The following CAMK2D variants were observed in gnomAD, a reference collection of about 807,000 sequenced individuals.
CAMK2D encodes the protein calcium/calmodulin dependent protein kinase II delta, also known as calcium/calmodulin-dependent protein kinase type II subunit delta.
CAMK2D carries 37 observed loss-of-function variants against 84.0 expected under a neutral mutation model. That is an observed-to-expected ratio of 0.44 (90% confidence interval 0.34 to 0.58). The LOEUF (loss-of-function observed/expected upper bound fraction) is 0.58, where lower values mean the gene tolerates loss of function less well. CAMK2D is among the 20% of genes least tolerant of loss of function. The pLI is 0.02. For synonymous variants in CAMK2D, 202 were observed against 212.5 expected, an observed-to-expected ratio of 0.95 and a Z score of 0.43; for missense variants, 448 against 652.5, an observed-to-expected ratio of 0.69 and a Z score of 3.41.
intron 2 of CAMK2D, among the ~76,000 whole-genome samples, chr4:113,713,501 C>T (rs1477632938): frequency 6.8e-6 from 1 of 147,646 alleles, no homozygotes; most frequent in Non-Finnish European, 1.5e-5. Context: ...AATATGATAA[C>T]AATATTATAT....
At chr4:113,518,900 G>A (rs1204883302) in intron 8 of CAMK2D, among the ~76,000 whole-genome samples, 2 of 151,208 alleles carry the variant, frequency 1.3e-5, no homozygotes, top group African/African-American at 4.9e-5. Flanking sequence ...TTCATAAGCA[G>A]ATTTTTTAAG....
rs557843584 is a variant in CAMK2D at position 113,687,134 on chromosome 4, T to C, written c.161-25362A>G. Among the ~76,000 whole-genome samples, 10 of 152,338 alleles carry C rather than the reference T, an allele frequency of 6.6e-5. No individual in the cohort carries two copies. In the East Asian group the frequency reaches 1.4e-3, roughly 21 times the overall value. Reference sequence around the variant, plus strand: ...GGTCGTGACCTTTCTAATCTGAGTATGGAAAATTATTAACCTTCTTCTCCC... The same window carrying C: ...GGTCGTGACCTTTCTAATCTGAGTACGGAAAATTATTAACCTTCTTCTCCC... On this transcript the variant is annotated intron_variant, in intron 2 of 20. Coordinates refer to ENST00000511664, the MANE Select transcript of CAMK2D (RefSeq NM_001321571.2).
At chr4:113,498,440 C>A (rs1027524916) in intron 16 of CAMK2D, among the ~76,000 whole-genome samples, 2 of 152,114 alleles carry the variant, frequency 1.3e-5, no homozygotes, top group Non-Finnish European at 2.9e-5. Flanking sequence ...ACAGAGAACA[C>A]AAATGAGTCC....
Position 113,454,355 on chromosome 4 carries a change from G to T in CAMK2D, c.*190C>A. The T allele has an allele frequency of 1.8e-6, 1 of 543,618 alleles. No individual in the cohort carries two copies. The highest frequency in any genetic ancestry group is 3.4e-6 in the Non-Finnish European group (1 of 293,882). The allele number at this position is 543,618 out of a possible 1,614,324, so 33.7% of individuals were successfully genotyped here. ...TGAAGTGTAAACAATGTATAGGAAG[G>T]AATATATGATAAGATGATGCATCAC... On this transcript the variant is annotated 3_prime_UTR_variant, in exon 21 of 21. Transcript: ENST00000511664.
At chr4:113,679,023 T>C (rs529561542) in intron 2 of CAMK2D, among the ~76,000 whole-genome samples, 1 of 152,266 alleles carries the variant, frequency 6.6e-6, no homozygotes, top group Non-Finnish European at 1.5e-5. Flanking sequence ...ATTTAGCTTG[T>C]TTTTATATAA....
At chr4:113,494,972 T>G (rs1416160564) in intron 16 of CAMK2D, among the ~76,000 whole-genome samples, 1 of 152,212 alleles carries the variant, frequency 6.6e-6, no homozygotes, top group Non-Finnish European at 1.5e-5. Context: ...GCTTCCCAAG[T>G]GAGGCAATGC....
Position 113,454,394 on chromosome 4 carries a change from G to T in CAMK2D, c.*151C>A. ...ATGATGCATCACATATGCATTACATGTAGGACCTTCACAACTTCATGCACT... is the reference window on the plus strand; with the variant it reads ...ATGATGCATCACATATGCATTACATTTAGGACCTTCACAACTTCATGCACT... On this transcript the variant is annotated 3_prime_UTR_variant, in exon 21 of 21. Coordinates refer to ENST00000511664, the MANE Select transcript of CAMK2D (RefSeq NM_001321571.2). The T allele has an allele frequency of 1.4e-6, 1 of 728,306 alleles. No homozygotes were observed. Among genetic ancestry groups the T allele is most frequent in the Non-Finnish European group, 2.6e-6 (1 of 391,414 alleles). The allele number at this position is 728,306 out of a possible 1,614,324, so 45.1% of individuals were successfully genotyped here.
intron 17 of CAMK2D, among the ~76,000 whole-genome samples, chr4:113,462,283 TG>T (rs2097390126): frequency 1.2e-5 from 1 of 82,488 alleles, no homozygotes; most frequent in Non-Finnish European, 2.6e-5. Flanking sequence ...TGTGTGTGTG[TG>T]TGTGTGTGTG....
intron 16 of CAMK2D, among the ~76,000 whole-genome samples, chr4:113,487,241 TA>T (rs1286442099): frequency 6.6e-6 from 1 of 152,124 alleles, no homozygotes; most frequent in Non-Finnish European, 1.5e-5. Flanking sequence ...ATTTCTTAAA[TA>T]CTTTAGACCT....
intron 3 of CAMK2D, among the ~76,000 whole-genome samples, chr4:113,651,525 C>T (rs1485398585): frequency 6.6e-6 from 1 of 151,976 alleles, no homozygotes; most frequent in Non-Finnish European, 1.5e-5. Flanking sequence ...TATCTCAAAC[C>T]CCTAAATTGG....
At chr4:113,583,995 A>C (rs1476102492) in intron 4 of CAMK2D, among the ~76,000 whole-genome samples, 1 of 152,230 alleles carries the variant, frequency 6.6e-6, no homozygotes, top group Non-Finnish European at 1.5e-5. Context: ...CATAAAGCTT[A>C]ATCATTGGCT....
At chr4:113,584,040 T>G (rs2098822928) in intron 4 of CAMK2D, among the ~76,000 whole-genome samples, 1 of 152,194 alleles carries the variant, frequency 6.6e-6, no homozygotes, top group South Asian at 2.1e-4. Context: ...GCATTTACAT[T>G]ATAAAACCCC....
chr4:113,474,708 G>A (rs1007860943), intron 16 of CAMK2D, among the ~76,000 whole-genome samples: 1 of 151,996 alleles, frequency 6.6e-6, no homozygotes, highest in African/African-American at 2.4e-5. Flanking sequence ...GTGCAAAGGT[G>A]TGATCTCGGC....
intron 4 of CAMK2D, among the ~76,000 whole-genome samples, chr4:113,600,788 A>T (rs544408281): frequency 2.7e-5 from 4 of 150,478 alleles, no homozygotes; most frequent in African/African-American, 1.0e-4. Flanking sequence ...GCATACCACC[A>T]CACCAGCTAC....
chr4:113,706,241 G>A (rs1456344153), intron 2 of CAMK2D, among the ~76,000 whole-genome samples: 2 of 151,994 alleles, frequency 1.3e-5, no homozygotes, highest in African/African-American at 2.4e-5. Flanking sequence ...CTTACTGAAT[G>A]AACATGAACT....
At chr4:113,715,763 G>A (rs72678792) in intron 2 of CAMK2D, among the ~76,000 whole-genome samples, 1 of 152,044 alleles carries the variant, frequency 6.6e-6, no homozygotes, top group Non-Finnish European at 1.5e-5. Flanking sequence ...TCTCAAATTC[G>A]CTTGATCAAG....
chr4:113,622,721 AC>A (rs2154278419), intron 3 of CAMK2D, among the ~76,000 whole-genome samples: 1 of 152,312 alleles, frequency 6.6e-6, no homozygotes, highest in South Asian at 2.1e-4. Context: ...CCATGTTTGC[AC>A]CACTGCGCTC....
chr4:113,607,897 C>G (rs1208283113), intron 4 of CAMK2D, among the ~76,000 whole-genome samples: 2 of 152,042 alleles, frequency 1.3e-5, no homozygotes, highest in African/African-American at 4.8e-5. Flanking sequence ...GATTAAGAGG[C>G]CAGTTCCCTC....
chr4:113,586,218 T>A (rs1288091211), intron 4 of CAMK2D, among the ~76,000 whole-genome samples: 2 of 152,160 alleles, frequency 1.3e-5, no homozygotes. Flanking sequence ...CATAGAGTTG[T>A]TGGAATTAAC....
Sources: gnomAD v4.1 joint callset for allele counts (sites outside exome capture counted in the v4.1 genomes callset) on GRCh38, gnomAD v4.1.1 for gene constraint, MANE v1.5 for transcripts, NCBI Gene and HGNC (gene_info 2026-07-23, HGNC 2026-07-21) for gene names.